Variants in HEMK2 observed in about 807,000 individuals in gnomAD.
The protein encoded by HEMK2 is HemK methyltransferase 2, ETF1 glutamine and histone H4 lysine, also known as methyltransferase HEMK2.
At chr21:28,707,545 C>T in the HEMK2 span, among the ~76,000 whole-genome samples, 4 of 152,102 alleles carry the variant, frequency 2.6e-5, no homozygotes, top group Admixed American at 1.3e-4. Flanking sequence ...CATGAGCCAC[C>T]ACACTCGATG....
chr21:28,702,102 C>T, the HEMK2 span, among the ~76,000 whole-genome samples: 148,582 of 152,304 alleles, frequency 0.98, 72,513 homozygotes, highest in East Asian at 1. Context: ...ATTTAATAAA[C>T]GGTTCTGGGA....
At chr21:28,721,941 C>CA in the HEMK2 span, among the ~76,000 whole-genome samples, 781 of 148,244 alleles carry the variant, frequency 5.3e-3, 10 homozygotes, top group African/African-American at 0.019. Context: ...CACACACATA[C>CA]ACCTATTTGA....
chr21:28,599,247 T>C, the HEMK2 span, among the ~76,000 whole-genome samples: 3 of 152,220 alleles, frequency 2.0e-5, no homozygotes, highest in Non-Finnish European at 4.4e-5. Context: ...ATGCTGCTGA[T>C]AAAGACATCC....
At chr21:28,782,306 A>G in the HEMK2 span, among the ~76,000 whole-genome samples, 6 of 152,330 alleles carry the variant, frequency 3.9e-5, no homozygotes, top group South Asian at 1.2e-3. Flanking sequence ...AGGAAAATAT[A>G]TTGTGCCCAA....
the HEMK2 span, among the ~76,000 whole-genome samples, chr21:28,849,724 T>C: frequency 2.6e-5 from 4 of 152,134 alleles, no homozygotes; most frequent in Non-Finnish European, 4.4e-5. Context: ...AATGTCATAA[T>C]ACAATAGTAA....
the HEMK2 span, among the ~76,000 whole-genome samples, chr21:28,592,258 T>C: frequency 6.6e-6 from 1 of 152,216 alleles, no homozygotes; most frequent in Non-Finnish European, 1.5e-5. Flanking sequence ...TGGTGTGACA[T>C]GTTATTGCAT....
the HEMK2 span, among the ~76,000 whole-genome samples, chr21:28,835,864 A>C: frequency 6.6e-6 from 1 of 152,180 alleles, no homozygotes; most frequent in Non-Finnish European, 1.5e-5. Flanking sequence ...TCAGCAATAG[A>C]ATTGAACAAG....
At chr21:28,628,052 A>G in the HEMK2 span, among the ~76,000 whole-genome samples, 1 of 152,152 alleles carries the variant, frequency 6.6e-6, no homozygotes, top group East Asian at 1.9e-4. Flanking sequence ...TCAGGAGTGT[A>G]CTTTCATTTT....
chr21:28,769,978 A>G, the HEMK2 span, among the ~76,000 whole-genome samples: 9 of 152,262 alleles, frequency 5.9e-5, no homozygotes, highest in Admixed American at 5.2e-4. Flanking sequence ...TGAATGCCTC[A>G]AAGTCATCAG....
At chr21:28,695,818 G>A in the HEMK2 span, among the ~76,000 whole-genome samples, 1 of 146,472 alleles carries the variant, frequency 6.8e-6, no homozygotes, top group African/African-American at 2.6e-5. Flanking sequence ...TAACTTAAAA[G>A]TCCACAGTCC....
chr21:28,733,981 T>C, the HEMK2 span, among the ~76,000 whole-genome samples: 2 of 152,264 alleles, frequency 1.3e-5, no homozygotes. Context: ...TTGGTTCATT[T>C]AGGGATGGAG....
chr21:28,745,635 T>C, the HEMK2 span, among the ~76,000 whole-genome samples: 1 of 152,174 alleles, frequency 6.6e-6, no homozygotes, highest in Non-Finnish European at 1.5e-5. Context: ...TCTGGATGAA[T>C]GCTCTAATGC....
the HEMK2 span, among the ~76,000 whole-genome samples, chr21:28,785,596 G>C: frequency 6.6e-6 from 1 of 152,314 alleles, no homozygotes; most frequent in Non-Finnish European, 1.5e-5. Flanking sequence ...CACAAGAAGA[G>C]GATTGAAAAG....
the HEMK2 span, among the ~76,000 whole-genome samples, chr21:28,859,710 C>T: frequency 6.6e-6 from 1 of 152,236 alleles, no homozygotes; most frequent in Admixed American, 6.5e-5. Flanking sequence ...AATGGCTGGA[C>T]TCCCATGGAT....
At chr21:28,637,265 A>G in the HEMK2 span, among the ~76,000 whole-genome samples, 1 of 152,130 alleles carries the variant, frequency 6.6e-6, no homozygotes, top group African/African-American at 2.4e-5. Context: ...TGATTCTGAG[A>G]TATGTTAATT....
At chr21:28,584,299 C>T in the HEMK2 span, among the ~76,000 whole-genome samples, 1 of 152,098 alleles carries the variant, frequency 6.6e-6, no homozygotes, top group Non-Finnish European at 1.5e-5. Flanking sequence ...GTGTCAGGAA[C>T]TTGAATTTAA....
the HEMK2 span, among the ~76,000 whole-genome samples, chr21:28,752,535 C>T: frequency 9.9e-5 from 15 of 152,274 alleles, no homozygotes; most frequent in African/African-American, 3.6e-4. Flanking sequence ...TATATGTTTT[C>T]TTCCACTGTC....
At chr21:28,795,881 A>G in the HEMK2 span, among the ~76,000 whole-genome samples, 2 of 152,192 alleles carry the variant, frequency 1.3e-5, no homozygotes, top group Non-Finnish European at 2.9e-5. Context: ...CCTGAGTCTG[A>G]TGACAATATT....
the HEMK2 span, among the ~76,000 whole-genome samples, chr21:28,665,366 ATTTTCTTTTTTTTTTTTTTAATT>A: frequency 2.6e-5 from 1 of 38,238 alleles, no homozygotes; most frequent in Non-Finnish European, 4.7e-5. Flanking sequence ...TTACTTTTTA[ATTTTCTTTTTTTTTTTTTTAATT>A]TTTTTTTTTT....
Sources: gnomAD v4.1 joint callset for allele counts (sites outside exome capture counted in the v4.1 genomes callset) on GRCh38, gnomAD v4.1.1 for gene constraint, MANE v1.5 for transcripts, NCBI Gene and HGNC (gene_info 2026-07-23, HGNC 2026-07-21) for gene names.